The following ATP2B2 variants were observed in gnomAD, a reference collection of about 807,000 sequenced individuals.
ATP2B2 encodes the protein ATPase plasma membrane Ca2+ transporting 2, also known as plasma membrane calcium-transporting ATPase 2.
A neutral mutation model predicts 120.0 loss-of-function variants in ATP2B2; 15 were observed. That is an observed-to-expected ratio of 0.12 (90% CI 0.08 to 0.19). The LOEUF (loss-of-function observed/expected upper bound fraction) is 0.19, where lower values mean the gene tolerates loss of function less well. Among genes scored for constraint, ATP2B2 ranks in the 10% least tolerant of loss-of-function variants. The pLI, the probability that ATP2B2 is intolerant of heterozygous loss-of-function variation, is 1.00. For synonymous variants in ATP2B2, 694 were observed against 700.3 expected (o/e 0.99, Z 0.14); for missense variants, 1,045 against 1,719.8 (o/e 0.61, Z 6.94).
At chr3:10,537,696 A>G (rs1020450654) in intron 2 of ATP2B2, among the ~76,000 whole-genome samples, 6 of 152,192 alleles carry the variant, frequency 3.9e-5, no homozygotes, top group Non-Finnish European at 7.3e-5. Context: ...CACTAGCTAT[A>G]GCTTTTAGCA....
rs536044086 is a variant in ATP2B2, at chr3:10,379,666, G to C, written c.1001-382C>G. ...ACACCAAGCTTTTTGTGACCGATTT[G>C]GTGTTTTCTGGGTTGAGAGAAGGCA... is the stretch of plus-strand genomic sequence containing the variant. On this transcript the variant is annotated intron_variant, in intron 8 of 22. Transcript: ENST00000360273. 2.6e-5 allele frequency among the ~76,000 whole-genome samples: 4 copies of C among 152,230 alleles called. No individual in the cohort carries two copies. The East Asian group carries it at 7.7e-4, about 29-fold the overall frequency.
chr3:10,523,951 C>T (rs1279487366), intron 3 of ATP2B2, among the ~76,000 whole-genome samples: 1 of 152,146 alleles, frequency 6.6e-6, no homozygotes, highest in Non-Finnish European at 1.5e-5. Context: ...GTTTGTTTTG[C>T]TCAGAGCTTA....
At position 10,402,935 on chromosome 3, in the gene ATP2B2, TC is replaced by T. The variant is rs200054025; in HGVS notation, c.398-588del. 3.8e-3 allele frequency among the ~76,000 whole-genome samples: 575 copies of T among 152,058 alleles called. 7 individuals carry two copies. The highest frequency in any genetic ancestry group is 0.013 in the African/African-American group (552 of 41,312). On this transcript the variant is annotated intron_variant, in intron 3 of 22. Transcript: ENST00000360273. This position sits in a 1 kb window ranked among gnomAD's most constrained non-coding sequence, Gnocchi z 4.9. Reference sequence around the variant, plus strand: ...GAAAAGAGAGTAAGTGAGGTATTTTTCTTTTTTTCCAGAACAAAGGCAGCCA... The same window carrying T: ...GAAAAGAGAGTAAGTGAGGTATTTTTTTTTTTTCCAGAACAAAGGCAGCCA...
intron 1 of ATP2B2, among the ~76,000 whole-genome samples, chr3:10,671,350 C>A (rs959591363): frequency 6.6e-5 from 10 of 152,126 alleles, no homozygotes; most frequent in Admixed American, 6.5e-4. Context: ...TCCAAATATA[C>A]CTTCAGGCAG....
In ATP2B2 at chr3:10,627,613, T is replaced by A. The variant is rs539534792; in HGVS notation, c.-459-7652A>T. Among the ~76,000 whole-genome samples, 6 of 152,314 alleles carry A rather than the reference T, an allele frequency of 3.9e-5. No individual in the cohort carries two copies. The East Asian group carries it at 9.6e-4, about 24-fold the overall frequency. On this transcript the variant is annotated intron_variant, in intron 1 of 21. Coordinates refer to the ATP2B2 transcript ENST00000646379. ...ACCTCTCCCCCTCGCTGGATCCTTG[T>A]GCAAGGTCGGGTGTAATAGATGCTA...
chr3:10,532,911 T>C (rs572978391), intron 3 of ATP2B2, among the ~76,000 whole-genome samples: 1 of 152,318 alleles, frequency 6.6e-6, no homozygotes, highest in East Asian at 1.9e-4. Context: ...GCTGCAAAGT[T>C]TCTTCTCTCT....
intron 4 of ATP2B2, among the ~76,000 whole-genome samples, 192 bp downstream of exon 4, chr3:10,401,899 G>A (rs2062233653): frequency 6.6e-6 from 1 of 152,166 alleles, no homozygotes; most frequent in Non-Finnish European, 1.5e-5. Flanking sequence ...TGATTTAAAT[G>A]GATTCTGGGA....
chr3:10,543,929 G>T (rs1234843246), intron 2 of ATP2B2, among the ~76,000 whole-genome samples: 1 of 151,938 alleles, frequency 6.6e-6, no homozygotes, highest in African/African-American at 2.4e-5. Flanking sequence ...AGTAGAGATG[G>T]GGTTTCACCA....
intron 2 of ATP2B2, among the ~76,000 whole-genome samples, chr3:10,595,095 T>C (rs1053623903): frequency 6.6e-6 from 1 of 152,212 alleles, no homozygotes; most frequent in African/African-American, 2.4e-5. Flanking sequence ...TCCAGGTGCC[T>C]CTGAGTTGAT....
chr3:10,602,953 T>C (rs1197429464), intron 2 of ATP2B2, among the ~76,000 whole-genome samples: 1 of 152,224 alleles, frequency 6.6e-6, no homozygotes, highest in Non-Finnish European at 1.5e-5. Flanking sequence ...CCTTCTTTTC[T>C]TAACTTCTCA....
Position 10,358,865 on chromosome 3 carries a change from G to C in ATP2B2, c.1962C>G (p.Asp654Glu). 6.2e-7 allele frequency: 1 copy of C among 1,614,116 alleles called. No individual in the cohort carries two copies. The highest frequency in any genetic ancestry group is 8.5e-7 in the Non-Finnish European group (1 of 1,180,016). Reference protein sequence around the residue: ...EPRVFRPRDRDEMVKKVIEPM... With the variant: ...EPRVFRPRDREEMVKKVIEPM... ...GCTCAATCACCTTCTTTACCATCTC[G>C]TCCCGGTCGCGGGGCCGGAAGACAC... Residue 654 changes from aspartate (D) to glutamate (E), a missense_variant, in exon 14 of 23, where the codon GAC (aspartate) becomes GAG (glutamate). Asp to Glu is a conservative substitution (Grantham distance 45, BLOSUM62 2). Coordinates refer to ENST00000360273, the MANE Select transcript of ATP2B2 (RefSeq NM_001001331.4).
chr3:10,464,859 AG>A (rs1159699737), intron 1 of ATP2B2, among the ~76,000 whole-genome samples: 1 of 152,244 alleles, frequency 6.6e-6, no homozygotes, highest in African/African-American at 2.4e-5. Context: ...CTCAGGTGGA[AG>A]GCTCTGGTGC....
chr3:10,543,180 G>T (rs985292343), intron 2 of ATP2B2, among the ~76,000 whole-genome samples: 4 of 152,192 alleles, frequency 2.6e-5, no homozygotes. Flanking sequence ...TGATGAATGT[G>T]CTTAATAGCA....
At chr3:10,397,721 T>G (rs1179021917) in intron 5 of ATP2B2, among the ~76,000 whole-genome samples, 1 of 152,062 alleles carries the variant, frequency 6.6e-6, no homozygotes, top group Non-Finnish European at 1.5e-5. Flanking sequence ...GCATGGTGAA[T>G]GTACTCTCAG....
rs138368540 is a variant in ATP2B2, at chr3:10,410,720, C to T, written c.295G>A (p.Val99Met). 15 of 1,614,038 alleles carry T rather than the reference C, an allele frequency of 9.3e-6. No homozygotes were observed. Among genetic ancestry groups the T allele is most frequent in the South Asian group, 7.7e-5 (7 of 91,090 alleles). The part of the protein sequence containing the change: ...PKKPKTFLQL[V>M]WEALQDVTLI... The stretch of plus-strand genomic sequence containing the variant: ...GTCACGTCCTGCAGCGCCTCCCACA[C>T]GAGCTGCAGGAAGGTTTTTGGCTTC... Residue 99 changes from valine to methionine, a missense_variant, in exon 3 of 23, where the codon GTG becomes ATG. This residue lies in a region of ATP2B2 where 139 missense variants were observed against 134.2 expected (regional missense o/e 1.04). Coordinates refer to ENST00000360273, the MANE Select transcript of ATP2B2 (RefSeq NM_001001331.4).
At position 10,519,547 on chromosome 3, in the gene ATP2B2, G is replaced by T. The variant is rs76621349; in HGVS notation, c.-320+14492C>A. Among the ~76,000 whole-genome samples the T allele has an allele frequency of 2.1e-3, 327 of 152,256 alleles. 1 individual carries two copies. The highest frequency in any genetic ancestry group is 7.4e-3 in the African/African-American group (308 of 41,540). On this transcript the variant is annotated intron_variant, in intron 3 of 21. Coordinates refer to the ATP2B2 transcript ENST00000646379. ...TACGTGAGAGGCGTTGGAGTTCTAG[G>T]AGTGGAGAACTCAGTTCCTGTGTCC...
At chr3:10,611,264 G>C (rs547582985) in intron 2 of ATP2B2, among the ~76,000 whole-genome samples, 2 of 152,162 alleles carry the variant, frequency 1.3e-5, no homozygotes, top group Non-Finnish European at 2.9e-5. Flanking sequence ...GCAGGGGTGG[G>C]CAAGGCCCTC....
At chr3:10,506,859 C>T (rs766142113), upstream of ATP2B2, among the ~76,000 whole-genome samples, 24 of 152,352 alleles carry the variant, frequency 1.6e-4, no homozygotes, top group Non-Finnish European at 2.8e-4. Context: ...CCCGAGCTGC[C>T]GCTCCATCCC....
intron 2 of ATP2B2, among the ~76,000 whole-genome samples, chr3:10,431,295 C>T (rs938266600): frequency 6.6e-5 from 10 of 152,164 alleles, no homozygotes; most frequent in South Asian, 2.1e-4. Context: ...CAAACAGCAT[C>T]GCATGCTAGA....
Sources: gnomAD v4.1 joint callset for allele counts (sites outside exome capture counted in the v4.1 genomes callset) on GRCh38, gnomAD v4.1.1 for gene constraint, gnomAD v4.1.1 regional missense constraint, Gnocchi (gnomAD v3.1) non-coding constraint, MANE v1.5 for transcripts, NCBI Gene and HGNC (gene_info 2026-07-23, HGNC 2026-07-21) for gene names.